PTPN9: variants seen among roughly 807,000 people sequenced by gnomAD.
PTPN9 encodes tyrosine-protein phosphatase non-receptor type 9.
In PTPN9, 26 loss-of-function variants were observed where a neutral mutation model predicts 69.8. That is an observed-to-expected ratio of 0.37 (90% CI 0.27 to 0.52). PTPN9 has a LOEUF of 0.52. Among genes scored for constraint, PTPN9 ranks in the 20% least tolerant of loss-of-function variants. PTPN9 has a pLI of 0.91. For synonymous variants in PTPN9, 274 were observed against 272.5 expected, an observed-to-expected ratio of 1.01 and a Z score of -0.05; for missense variants, 549 against 740.3, an observed-to-expected ratio of 0.74 and a Z score of 3.00.
At chr15:75,529,440 C>T (rs550125498) in intron 1 of PTPN9, among the ~76,000 whole-genome samples, 1 of 152,264 alleles carries the variant, frequency 6.6e-6, no homozygotes, top group Admixed American at 6.5e-5. Context: ...TCCCAATCAA[C>T]CCACAGTTAT....
chr15:75,472,242 G>A (rs2074571089), intron 10 of PTPN9, among the ~76,000 whole-genome samples: 1 of 150,324 alleles, frequency 6.7e-6, no homozygotes, highest in East Asian at 2.0e-4. Context: ...GGCGGATCAC[G>A]AGGTCAGGAG....
At chr15:75,567,230 C>G (rs2075130419) in intron 1 of PTPN9, among the ~76,000 whole-genome samples, 1 of 152,076 alleles carries the variant, frequency 6.6e-6, no homozygotes, top group Admixed American at 6.6e-5. Flanking sequence ...GTTGGCCAGG[C>G]TGGTCTTGAA....
At chr15:75,546,796 T>C (rs1307022619) in intron 1 of PTPN9, among the ~76,000 whole-genome samples, 14 of 151,976 alleles carry the variant, frequency 9.2e-5, no homozygotes, top group Admixed American at 6.6e-5. Flanking sequence ...CTGGACATTA[T>C]CCAGACTAAG....
In PTPN9 at chr15:75,482,341, G is replaced by A. The variant is rs1397806326; in HGVS notation, c.1063-2427C>T. 5.3e-4 allele frequency among the ~76,000 whole-genome samples: 80 copies of A among 152,104 alleles called. 1 individual carries two copies. Among genetic ancestry groups the A allele is most frequent in the Non-Finnish European group, 8.7e-4 (59 of 67,962 alleles). On this transcript the variant is annotated intron_variant, in intron 8 of 12. Transcript: ENST00000618819. ...AGCACTTTGGGAGGCCGAGGCGGGCGGATGACGAGGTCAGGAGATCGAGAC... is the reference window on the plus strand; with the variant it reads ...AGCACTTTGGGAGGCCGAGGCGGGCAGATGACGAGGTCAGGAGATCGAGAC...
chr15:75,479,816 A>C (rs1250486515), intron 9 of PTPN9, 32 bp downstream of exon 9: 3 of 1,544,866 alleles, frequency 1.9e-6, no homozygotes, highest in Non-Finnish European at 2.6e-6. Flanking sequence ...TAGATGGCAC[A>C]AAATCAACAT....
chr15:75,486,624 A>G (rs1453176863), intron 8 of PTPN9, among the ~76,000 whole-genome samples: 1 of 152,212 alleles, frequency 6.6e-6, no homozygotes, highest in African/African-American at 2.4e-5. Context: ...TGGGACTAAT[A>G]GCTTTAAAAT....
chr15:75,556,688 A>C (rs1277434566), intron 1 of PTPN9, among the ~76,000 whole-genome samples: 1 of 152,134 alleles, frequency 6.6e-6, no homozygotes. Flanking sequence ...CATTTTCTTT[A>C]TTGTGGTAAA....
chr15:75,568,329 C>T (rs952578085), intron 1 of PTPN9, among the ~76,000 whole-genome samples: 17 of 149,390 alleles, frequency 1.1e-4, no homozygotes, highest in Non-Finnish European at 2.2e-4. Context: ...CCTGTCTCTA[C>T]AACAAATAAA....
Position 75,517,297 on chromosome 15 carries a change from CA to C in PTPN9, c.489del (p.Phe163LeufsTer10). ...YDMCGSNYAN[F>X]ELDLGKKVLN... ...AGGACTTTCTTGCCAAGATCCAGCT[CA>C]AAGTTGGCATAATTAGAACCACACA... On this transcript the variant is annotated frameshift_variant, in exon 5 of 13. Transcript: ENST00000618819. LOFTEE classifies it high-confidence loss of function. The C allele has an allele frequency of 6.2e-7, 1 of 1,613,990 alleles. No individual in the cohort carries two copies.
chr15:75,548,097 C>T (rs1463347355), intron 1 of PTPN9, among the ~76,000 whole-genome samples: 1 of 152,136 alleles, frequency 6.6e-6, no homozygotes, highest in Non-Finnish European at 1.5e-5. Context: ...AGATTTCGAA[C>T]TGTTAGGTAA....
chr15:75,578,734 G>C lies in PTPN9; in HGVS notation c.43C>G (p.Leu15Val). Reference protein sequence around the residue: ...TAPRPDMAPELTPEEEQATKQ... With the variant: ...TAPRPDMAPEVTPEEEQATKQ... ...CTTACCTGCTCCTCCTCCGGGGTCA[G>C]CTCCGGCGCCATGTCGGGCCGGGGC... is the stretch of plus-strand genomic sequence containing the variant. Residue 15 changes from leucine (L) to valine (V), a missense_variant, in exon 1 of 13, where the codon CTG (leucine) becomes GTG (valine). Physicochemically the swap from Leu to Val is conservative, Grantham distance 32. Around this residue, in one of 3 missense-constraint regions of PTPN9, gnomAD observed 62 missense variants for 53.6 expected, o/e 1.16. Coordinates refer to ENST00000618819, the MANE Select transcript of PTPN9 (RefSeq NM_002833.4). 1 of 1,334,390 alleles carries C rather than the reference G, an allele frequency of 7.5e-7. No homozygotes were observed. The highest frequency in any genetic ancestry group is 9.6e-7 in the Non-Finnish European group (1 of 1,040,840). 82.7% of individuals were successfully genotyped at this position (1,334,390 alleles called of 1,614,324 possible). A position where few individuals can be genotyped will look rare whatever the true frequency, so the allele number is the denominator to read the frequency against.
At chr15:75,559,787 A>AAGG (rs2075096181) in intron 1 of PTPN9, among the ~76,000 whole-genome samples, 1 of 148,874 alleles carries the variant, frequency 6.7e-6, no homozygotes, top group African/African-American at 2.5e-5. Context: ...AAAAAAAAAG[A>AAGG]AGAAAGAAAA....
intron 1 of PTPN9, among the ~76,000 whole-genome samples, chr15:75,543,740 A>T (rs527471906): frequency 6.6e-6 from 1 of 152,346 alleles, no homozygotes; most frequent in Admixed American, 6.5e-5. Flanking sequence ...ACTCAAAAAA[A>T]TAACAATAAA....
intron 5 of PTPN9, among the ~76,000 whole-genome samples, chr15:75,513,839 C>G (rs112483080): frequency 0.18 from 27,703 of 151,832 alleles, 3,161 homozygotes; most frequent in Non-Finnish European, 0.26. Flanking sequence ...TGGCTCACGT[C>G]TTTAATCCTA....
intron 7 of PTPN9, among the ~76,000 whole-genome samples, chr15:75,504,330 G>A (rs1184253855): frequency 6.4e-5 from 8 of 124,194 alleles, no homozygotes; most frequent in Admixed American, 4.5e-4. Context: ...CGCCCCTACT[G>A]GGAAGTGAGG....
At chr15:75,540,384 C>T (rs879800425) in intron 1 of PTPN9, among the ~76,000 whole-genome samples, 1 of 151,962 alleles carries the variant, frequency 6.6e-6, no homozygotes, top group Non-Finnish European at 1.5e-5. Flanking sequence ...AAAACTCTGT[C>T]TCTACTAAAA....
intron 7 of PTPN9, among the ~76,000 whole-genome samples, chr15:75,500,521 G>C (rs1477517720): frequency 2.6e-5 from 4 of 152,056 alleles, no homozygotes; most frequent in Non-Finnish European, 4.4e-5. Context: ...CTGGGTGATG[G>C]AGTGAGACTG....
chr15:75,514,061 T>C (rs2074856194), intron 5 of PTPN9, among the ~76,000 whole-genome samples: 1 of 142,380 alleles, frequency 7.0e-6, no homozygotes, highest in African/African-American at 2.7e-5. Flanking sequence ...ATAGCACCAC[T>C]GCACTGCATC....
intron 7 of PTPN9, among the ~76,000 whole-genome samples, chr15:75,500,719 T>C (rs904339515): frequency 9.9e-5 from 15 of 151,666 alleles, no homozygotes; most frequent in Non-Finnish European, 8.8e-5. Flanking sequence ...AGGGAGACTC[T>C]ACAAAAAATT....
Sources: gnomAD v4.1 joint callset for allele counts (sites outside exome capture counted in the v4.1 genomes callset) on GRCh38, gnomAD v4.1.1 for gene constraint, gnomAD v4.1.1 regional missense constraint, MANE v1.5 for transcripts, NCBI Gene and HGNC (gene_info 2026-07-23, HGNC 2026-07-21) for gene names.